Variants in PCDH15 observed in about 807,000 individuals in gnomAD.
PCDH15 encodes the protein protocadherin-15.
In PCDH15, 129 loss-of-function variants were observed where a neutral mutation model predicts 178.5. The ratio of observed to expected loss-of-function variants is 0.72; its 90% CI spans 0.63 to 0.84. The LOEUF (loss-of-function observed/expected upper bound fraction) is 0.84, where lower values mean the gene tolerates loss of function less well. Ranked by LOEUF, PCDH15 falls within the 40% of genes least tolerant of loss-of-function variation. The pLI is 0.00. For synonymous variants in PCDH15, 800 were observed against 732.0 expected, an observed-to-expected ratio of 1.09 and a Z score of -1.50; for missense variants, 2,230 against 2,099.9, an observed-to-expected ratio of 1.06 and a Z score of -1.21.
At chr10:54,199,015 A>C (rs547613571) in intron 10 of PCDH15, among the ~76,000 whole-genome samples, 1 of 152,192 alleles carries the variant, frequency 6.6e-6, no homozygotes, top group Admixed American at 6.5e-5. Context: ...AATATGTATT[A>C]TTTGCATGAT....
chr10:53,961,650 G>T, intron 22 of PCDH15, 102 bp downstream of exon 22: 7 of 844,246 alleles, frequency 8.3e-6, no homozygotes, highest in East Asian at 3.2e-5. Context: ...AAATTAAAAA[G>T]GAGAAAAATT....
At chr10:55,373,688 T>C (rs1461238984) in intron 2 of PCDH15, among the ~76,000 whole-genome samples, 1 of 152,040 alleles carries the variant, frequency 6.6e-6, no homozygotes, top group African/African-American at 2.4e-5. Flanking sequence ...AAGGTAGACT[T>C]GTACATGGAG....
At chr10:53,999,461 T>C (rs1419465780) in intron 20 of PCDH15, among the ~76,000 whole-genome samples, 1 of 152,210 alleles carries the variant, frequency 6.6e-6, no homozygotes, top group Non-Finnish European at 1.5e-5. Flanking sequence ...TTTATGCTTC[T>C]GCATAAAAAG....
intron 1 of PCDH15, among the ~76,000 whole-genome samples, chr10:55,284,119 G>T (rs1459458656): frequency 1.3e-5 from 2 of 152,044 alleles, no homozygotes; most frequent in South Asian, 4.1e-4. Context: ...ACATAATACA[G>T]ACTGCTGTCT....
chr10:54,759,560 A>G (rs538808059), intron 1 of PCDH15, among the ~76,000 whole-genome samples: 2 of 152,178 alleles, frequency 1.3e-5, no homozygotes, highest in Non-Finnish European at 2.9e-5. Context: ...TGATTCATTC[A>G]TCTTAATTTA....
chr10:54,347,779 T>C (rs1486641419), intron 5 of PCDH15, among the ~76,000 whole-genome samples: 2 of 152,164 alleles, frequency 1.3e-5, no homozygotes, highest in East Asian at 3.9e-4. Context: ...GAGCCCATGC[T>C]ACCAAGTCTT....
chr10:55,372,742 C>T (rs1407796234), intron 2 of PCDH15, among the ~76,000 whole-genome samples: 1 of 152,100 alleles, frequency 6.6e-6, no homozygotes, highest in Admixed American at 6.6e-5. Context: ...ATCACCAGGG[C>T]CTCTTATGAA....
intron 2 of PCDH15, among the ~76,000 whole-genome samples, chr10:55,115,540 G>A (rs1837608952): frequency 6.6e-6 from 1 of 152,114 alleles, no homozygotes; most frequent in South Asian, 2.1e-4. Flanking sequence ...CTGTCCCTGA[G>A]GCTACTTAAT....
At chr10:54,075,449 C>A (rs1473694478) in intron 17 of PCDH15, among the ~76,000 whole-genome samples, 5 of 151,922 alleles carry the variant, frequency 3.3e-5, no homozygotes, top group African/African-American at 1.2e-4. Flanking sequence ...CAAATATTTT[C>A]TCCCATTTTT....
At chr10:55,483,870 A>C (rs2132120979) in intron 2 of PCDH15, among the ~76,000 whole-genome samples, 1 of 151,650 alleles carries the variant, frequency 6.6e-6, no homozygotes, top group Admixed American at 6.6e-5. Flanking sequence ...TCACTGCAGA[A>C]CTATTCACAA....
chr10:55,017,591 C>T (rs982107526), intron 2 of PCDH15, among the ~76,000 whole-genome samples: 7 of 152,072 alleles, frequency 4.6e-5, no homozygotes, highest in Admixed American at 4.6e-4. Flanking sequence ...ATGTAAATCA[C>T]ATGTATTATT....
At chr10:54,910,064 G>T (rs866935893) in intron 2 of PCDH15, among the ~76,000 whole-genome samples, 12 of 152,252 alleles carry the variant, frequency 7.9e-5, no homozygotes, top group Middle Eastern at 3.4e-3. Context: ...GAGAAGTCCT[G>T]CCCATCTGTG....
At chr10:55,000,776 T>G (rs1839778465) in intron 2 of PCDH15, among the ~76,000 whole-genome samples, 1 of 152,114 alleles carries the variant, frequency 6.6e-6, no homozygotes, top group African/African-American at 2.4e-5. Flanking sequence ...ATGGCTTCAG[T>G]CAGTCCCTCC....
chr10:54,711,979 G>A (rs911512786), intron 1 of PCDH15, among the ~76,000 whole-genome samples: 2 of 151,798 alleles, frequency 1.3e-5, no homozygotes, highest in African/African-American at 4.8e-5. Flanking sequence ...TTGCTTCTGA[G>A]TTTTCTGCCT....
At chr10:54,202,206 C>T (rs189029939) in intron 10 of PCDH15, among the ~76,000 whole-genome samples, 26 of 152,170 alleles carry the variant, frequency 1.7e-4, no homozygotes, top group African/African-American at 5.3e-4. Context: ...GTCCACTCAA[C>T]ACATTTTAAT....
chr10:53,823,415 T>C, intron 32 of PCDH15: 1 of 1,495,758 alleles, frequency 6.7e-7, no homozygotes, highest in South Asian at 1.1e-5. Context: ...ACAGCTTTCA[T>C]GAGAAAGATG....
intron 26 of PCDH15, among the ~76,000 whole-genome samples, chr10:53,880,396 C>G (rs182632654): frequency 6.6e-6 from 1 of 152,240 alleles, no homozygotes; most frequent in African/African-American, 2.4e-5. Context: ...GTAAAATGAA[C>G]TTACTGTAAC....
intron 8 of PCDH15, among the ~76,000 whole-genome samples, chr10:54,242,122 TTCTATTTTTATATATATA>T (rs2055372706): frequency 3.2e-5 from 3 of 93,388 alleles, no homozygotes; most frequent in African/African-American, 8.9e-5. Context: ...TTGGTCTGAA[TTCTATTTTTATATATATA>T]TATATATATA....
At chr10:53,952,041 G>C (rs2087113286) in intron 23 of PCDH15, among the ~76,000 whole-genome samples, 1 of 152,228 alleles carries the variant, frequency 6.6e-6, no homozygotes, top group Non-Finnish European at 1.5e-5. Context: ...GCACCCAGTA[G>C]ATTGGAGACA....
Sources: allele counts gnomAD v4.1 joint callset (sites outside exome capture counted in the v4.1 genomes callset), GRCh38; gene constraint gnomAD v4.1.1; transcripts MANE v1.5; gene names NCBI Gene and HGNC (gene_info 2026-07-23, HGNC 2026-07-21).